The following DLGAP1 variants were observed in gnomAD, a reference collection of about 807,000 sequenced individuals.
The protein encoded by DLGAP1 is disks large-associated protein 1.
In DLGAP1, 11 loss-of-function variants were observed where a neutral mutation model predicts 90.8. The ratio of observed to expected loss-of-function variants is 0.12; its 90% CI spans 0.08 to 0.20. DLGAP1 has a LOEUF of 0.20. Among genes scored for constraint, DLGAP1 ranks in the 10% least tolerant of loss-of-function variants. The pLI is 1.00. For synonymous variants in DLGAP1, 558 were observed against 540.7 expected, an observed-to-expected ratio of 1.03 and a Z score of -0.44; for missense variants, 1,050 against 1,333.8, an observed-to-expected ratio of 0.79 and a Z score of 3.31.
chr18:4,299,282 A>T (rs78846855), intron 1 of DLGAP1, among the ~76,000 whole-genome samples: 11,927 of 152,184 alleles, frequency 0.078, 646 homozygotes, highest in Non-Finnish European at 0.1. Context: ...GCTCCATTTG[A>T]CAGTGCCCTG....
intron 6 of DLGAP1, among the ~76,000 whole-genome samples, chr18:3,741,180 CACCACCACCACCACCACCAA>C: frequency 1.1e-5 from 1 of 91,022 alleles, no homozygotes; most frequent in Non-Finnish European, 2.4e-5. Context: ...ACATCACCAC[CACCACCACCACCACCACCAA>C]ATCACCACCA....
At chr18:4,412,060 C>A (rs1172122701) in intron 1 of DLGAP1, among the ~76,000 whole-genome samples, 1 of 152,146 alleles carries the variant, frequency 6.6e-6, no homozygotes, top group Non-Finnish European at 1.5e-5. Context: ...CTAACTACTA[C>A]AGTCTCCTTA....
intron 1 of DLGAP1, among the ~76,000 whole-genome samples, chr18:4,434,137 C>T (rs1045770382): frequency 2.0e-5 from 3 of 150,656 alleles, no homozygotes; most frequent in African/African-American, 7.3e-5. Flanking sequence ...TGAATTAAAA[C>T]CTCTTCCTTA....
intron 1 of DLGAP1, among the ~76,000 whole-genome samples, chr18:4,448,042 T>C (rs1396168218): frequency 5.3e-5 from 8 of 152,162 alleles, no homozygotes; most frequent in Admixed American, 3.9e-4. Flanking sequence ...ACCAGGAACA[T>C]GCCAAGTTCA....
rs1218978908 is a variant in DLGAP1 at position 3,906,032 on chromosome 18, G to A, written c.-72-25892C>T. 3.3e-5 allele frequency among the ~76,000 whole-genome samples: 5 copies of A among 152,124 alleles called. No individual in the cohort carries two copies. The South Asian group carries it at 6.2e-4, about 19-fold the overall frequency. On this transcript the variant is annotated intron_variant, in intron 3 of 12. Coordinates refer to ENST00000315677, the MANE Select transcript of DLGAP1 (RefSeq NM_004746.4). ...CTGAGGAATTGCAGACCAATCCCAAGTCCCTCCTTTTATAGATTAGGAAAC... is the reference window on the plus strand; with the variant it reads ...CTGAGGAATTGCAGACCAATCCCAAATCCCTCCTTTTATAGATTAGGAAAC...
intron 1 of DLGAP1, among the ~76,000 whole-genome samples, chr18:4,286,854 G>A (rs1435406497): frequency 1.3e-5 from 2 of 152,160 alleles, no homozygotes; most frequent in African/African-American, 2.4e-5. Context: ...AAGTATTGGG[G>A]TTGAGGGCTG....
At chr18:4,147,365 T>C (rs2076601927) in intron 2 of DLGAP1, among the ~76,000 whole-genome samples, 1 of 152,196 alleles carries the variant, frequency 6.6e-6, no homozygotes, top group African/African-American at 2.4e-5. Flanking sequence ...TACCCGGATA[T>C]TGATACCCAG....
intron 1 of DLGAP1, among the ~76,000 whole-genome samples, chr18:4,314,148 T>C (rs1428387857): frequency 2.0e-5 from 3 of 152,164 alleles, no homozygotes; most frequent in African/African-American, 4.8e-5. Flanking sequence ...AAAAAACAAT[T>C]TGGAAGCCCA....
At chr18:3,906,642 T>A (rs1430352309) in intron 3 of DLGAP1, among the ~76,000 whole-genome samples, 1 of 152,188 alleles carries the variant, frequency 6.6e-6, no homozygotes, top group South Asian at 2.1e-4. Flanking sequence ...AAAAATAAAA[T>A]GGTAAGCTGT....
intron 1 of DLGAP1, among the ~76,000 whole-genome samples, chr18:4,271,306 T>C (rs948785822): frequency 1.3e-5 from 2 of 152,198 alleles, no homozygotes; most frequent in African/African-American, 4.8e-5. Flanking sequence ...CTCCAACCTC[T>C]AGTTGGAACA....
chr18:4,077,576 CG>C (rs1235324162), intron 2 of DLGAP1, among the ~76,000 whole-genome samples: 2 of 151,936 alleles, frequency 1.3e-5, no homozygotes, highest in East Asian at 1.9e-4. Flanking sequence ...TCCTCCTGCC[CG>C]CCTGACCCAC....
intron 7 of DLGAP1, among the ~76,000 whole-genome samples, chr18:3,600,678 A>C (rs1053206954): frequency 4.3e-5 from 6 of 138,848 alleles, no homozygotes; most frequent in Admixed American, 7.3e-5. Flanking sequence ...ATCTATAGAT[A>C]TCTATAGAGA....
At chr18:3,811,741 C>T (rs1269308428) in intron 5 of DLGAP1, among the ~76,000 whole-genome samples, 2 of 152,108 alleles carry the variant, frequency 1.3e-5, no homozygotes, top group Admixed American at 1.3e-4. Flanking sequence ...CGGTCCAGGA[C>T]GTTGGAGGAG....
intron 4 of DLGAP1, among the ~76,000 whole-genome samples, chr18:3,831,055 G>A (rs925400984): frequency 6.6e-6 from 1 of 152,236 alleles, no homozygotes; most frequent in Non-Finnish European, 1.5e-5. Flanking sequence ...GGATCATGGA[G>A]GAACACATCT....
At chr18:3,605,074 G>C (rs2057265541) in intron 7 of DLGAP1, among the ~76,000 whole-genome samples, 1 of 152,186 alleles carries the variant, frequency 6.6e-6, no homozygotes, top group African/African-American at 2.4e-5. Context: ...AGCAGGTCCT[G>C]TCAGTCTGCA....
At chr18:4,376,910 T>A (rs1201117311) in intron 1 of DLGAP1, among the ~76,000 whole-genome samples, 1 of 152,192 alleles carries the variant, frequency 6.6e-6, no homozygotes, top group Admixed American at 6.6e-5. Context: ...AAAATATAAT[T>A]TCCTTGACAA....
intron 1 of DLGAP1, among the ~76,000 whole-genome samples, chr18:4,320,019 C>A: frequency 6.6e-6 from 1 of 152,102 alleles, no homozygotes; most frequent in Non-Finnish European, 1.5e-5. Context: ...GCTATTATAA[C>A]CTTCTTGTGA....
rs966863087 is a variant in DLGAP1 at position 3,997,128 on chromosome 18, A to C, written c.-73+7988T>G. On this transcript the variant is annotated intron_variant, in intron 3 of 12. Transcript: ENST00000315677. Reference sequence around the variant, plus strand: ...GCCTTCGAGAAACCTTTCCCACGGGAAAGGTTATTTTCGTCTAATGTTACC... The same window carrying C: ...GCCTTCGAGAAACCTTTCCCACGGGCAAGGTTATTTTCGTCTAATGTTACC... Among the ~76,000 whole-genome samples the C allele has an allele frequency of 7.0e-5, 4 of 56,958 alleles. 1 individual carries two copies. Among genetic ancestry groups the C allele is most frequent in the African/African-American group, 3.0e-4 (4 of 13,138 alleles). The allele number at this position is 56,958 out of a possible 152,430, so 37.4% of individuals were successfully genotyped here.
chr18:3,509,417 C>T (rs947753385), intron 10 of DLGAP1, among the ~76,000 whole-genome samples: 1 of 152,218 alleles, frequency 6.6e-6, no homozygotes, highest in African/African-American at 2.4e-5. Flanking sequence ...AGGCACCTTT[C>T]AGCTGCCTGC....
Sources: allele counts gnomAD v4.1 joint callset (sites outside exome capture counted in the v4.1 genomes callset), GRCh38; gene constraint gnomAD v4.1.1; transcripts MANE v1.5; gene names NCBI Gene and HGNC (gene_info 2026-07-23, HGNC 2026-07-21).